ADAMTS19: variants seen among roughly 807,000 people sequenced by gnomAD.
The protein encoded by ADAMTS19 is A disintegrin and metalloproteinase with thrombospondin motifs 19.
In ADAMTS19, 93 loss-of-function variants were observed where a neutral mutation model predicts 153.3. The observed-to-expected ratio is 0.61, with a 90% CI of 0.51 to 0.72. The LOEUF (loss-of-function observed/expected upper bound fraction) is 0.72, where lower values mean the gene tolerates loss of function less well. Ranked by LOEUF, ADAMTS19 falls within the 30% of genes least tolerant of loss-of-function variation. The pLI is 0.00. For synonymous variants in ADAMTS19, 600 were observed against 556.6 expected (o/e 1.08, Z -1.10); for missense variants, 1,482 against 1,552.1 (o/e 0.95, Z 0.76).
chr5:129,481,772 T>A (rs1365984413), intron 2 of ADAMTS19, among the ~76,000 whole-genome samples: 5 of 152,066 alleles, frequency 3.3e-5, no homozygotes, highest in Non-Finnish European at 5.9e-5. Flanking sequence ...TCCCCAAAGG[T>A]GACTTCAGAT....
At chr5:129,585,001 G>A (rs1749708443) in intron 7 of ADAMTS19, among the ~76,000 whole-genome samples, 1 of 152,174 alleles carries the variant, frequency 6.6e-6, no homozygotes, top group Admixed American at 6.5e-5. Flanking sequence ...CCAGTTTTGT[G>A]CTTGAATCTC....
chr5:129,563,820 A>G (rs1753606807), intron 7 of ADAMTS19, among the ~76,000 whole-genome samples: 1 of 152,200 alleles, frequency 6.6e-6, no homozygotes, highest in African/African-American at 2.4e-5. Flanking sequence ...TCTGACCTCT[A>G]GCTATTCAAT....
intron 15 of ADAMTS19, among the ~76,000 whole-genome samples, chr5:129,659,764 T>G (rs140904229): frequency 6.6e-6 from 1 of 151,918 alleles, no homozygotes; most frequent in South Asian, 2.1e-4. Context: ...TTTAATTTTG[T>G]TTTTTGTAAA....
chr5:129,646,645 T>G (rs1753078097), intron 11 of ADAMTS19, among the ~76,000 whole-genome samples: 1 of 152,112 alleles, frequency 6.6e-6, no homozygotes, highest in African/African-American at 2.4e-5. Flanking sequence ...TTCATTCAAT[T>G]CCTAAAAAAA....
At chr5:129,685,420 A>G (rs1451212298) in intron 18 of ADAMTS19, among the ~76,000 whole-genome samples, 1 of 152,016 alleles carries the variant, frequency 6.6e-6, no homozygotes, top group East Asian at 1.9e-4. Flanking sequence ...TGGCAAGTGA[A>G]GAGTATTAGA....
At chr5:129,537,363 T>A (rs1459526537) in intron 6 of ADAMTS19, among the ~76,000 whole-genome samples, 1 of 152,194 alleles carries the variant, frequency 6.6e-6, no homozygotes, top group African/African-American at 2.4e-5. Context: ...TGGAAGTCGG[T>A]GTTGCGATTC....
chr5:129,560,252 A>T (rs1415470515), intron 7 of ADAMTS19, among the ~76,000 whole-genome samples: 1 of 152,234 alleles, frequency 6.6e-6, no homozygotes, highest in East Asian at 1.9e-4. Context: ...AACAAAACAA[A>T]AACAGAGTCT....
intron 16 of ADAMTS19, among the ~76,000 whole-genome samples, chr5:129,666,487 T>C (rs989008155): frequency 6.6e-5 from 10 of 152,176 alleles, no homozygotes; most frequent in Admixed American, 3.9e-4. Flanking sequence ...GAATCCTTTG[T>C]ATATAGAAAC....
At chr5:129,542,187 A>G (rs930346816) in intron 6 of ADAMTS19, among the ~76,000 whole-genome samples, 2 of 152,252 alleles carry the variant, frequency 1.3e-5, no homozygotes, top group East Asian at 3.9e-4. Context: ...AAAGATAGCA[A>G]AGAGGAAAGC....
At chr5:129,586,626 T>G (rs1749812761) in intron 7 of ADAMTS19, among the ~76,000 whole-genome samples, 1 of 152,248 alleles carries the variant, frequency 6.6e-6, no homozygotes, top group Non-Finnish European at 1.5e-5. Flanking sequence ...ATGTGCAGGA[T>G]TTTGTATGGA....
At chr5:129,619,725 A>C (rs9285915) in intron 8 of ADAMTS19, among the ~76,000 whole-genome samples, 13,092 of 152,028 alleles carry the variant, frequency 0.086, 635 homozygotes, top group African/African-American at 0.1. Flanking sequence ...ATATACTGTC[A>C]TAAGGATACG....
At chr5:129,615,697 A>G (rs1168401809) in intron 8 of ADAMTS19, among the ~76,000 whole-genome samples, 2 of 152,022 alleles carry the variant, frequency 1.3e-5, no homozygotes, top group Non-Finnish European at 2.9e-5. Flanking sequence ...CAGGAGGACA[A>G]TCAGGCAGAC....
intron 3 of ADAMTS19, among the ~76,000 whole-genome samples, chr5:129,524,180 G>A (rs549502392): frequency 4.6e-5 from 7 of 152,058 alleles, no homozygotes; most frequent in African/African-American, 1.2e-4. Flanking sequence ...TCTGATCTTC[G>A]ACAAACCTGA....
intron 2 of ADAMTS19, among the ~76,000 whole-genome samples, chr5:129,507,713 A>C (rs999204000): frequency 6.7e-6 from 1 of 149,892 alleles, no homozygotes; most frequent in Non-Finnish European, 1.5e-5. Context: ...CTAGAGCGAG[A>C]GAGAGAGAGA....
chr5:129,592,997 A>G (rs1057069948), intron 7 of ADAMTS19, among the ~76,000 whole-genome samples: 4 of 152,174 alleles, frequency 2.6e-5, no homozygotes, highest in African/African-American at 4.8e-5. Flanking sequence ...ATTATATTAT[A>G]AACTATTGGC....
intron 16 of ADAMTS19, among the ~76,000 whole-genome samples, chr5:129,673,552 T>A (rs1754407796): frequency 6.6e-6 from 1 of 152,176 alleles, no homozygotes; most frequent in Admixed American, 6.6e-5. Flanking sequence ...CTTTTATAAC[T>A]TATGGCATCT....
intron 6 of ADAMTS19, among the ~76,000 whole-genome samples, chr5:129,532,837 G>A (rs954216462): frequency 4.6e-5 from 7 of 152,086 alleles, no homozygotes; most frequent in South Asian, 2.1e-4. Flanking sequence ...GGTGGCTCAC[G>A]CCTGTAATCC....
Position 129,556,843 on chromosome 5 carries a change from G to A in ADAMTS19, c.1372+4936G>A, listed in dbSNP as rs777037617. Among the ~76,000 whole-genome samples, 5 of 152,246 alleles carry A rather than the reference G, an allele frequency of 3.3e-5. 1 individual carries two copies. The South Asian group carries it at 6.2e-4, about 19-fold the overall frequency. On this transcript the variant is annotated intron_variant, in intron 7 of 22. Transcript: ENST00000274487. The stretch of plus-strand genomic sequence containing the variant: ...AGGAAATAGAATCTTCCCTAGAGCC[G>A]ACATAAGTGAACACAAACAGCCTTT...
rs141264316 is a variant in ADAMTS19, at chr5:129,488,024, G to A, written c.748-21053G>A. ...AATTGCAAGATCAAAAGAAAGTAAC[G>A]TTGTAACTCTGTATTGTGTGTGTGG... On this transcript the variant is annotated intron_variant, in intron 2 of 22. Coordinates refer to ENST00000274487, the MANE Select transcript of ADAMTS19 (RefSeq NM_133638.6). 4.9e-3 allele frequency among the ~76,000 whole-genome samples: 737 copies of A among 151,946 alleles called. 4 individuals are homozygous for A. Among genetic ancestry groups the A allele is most frequent in the Non-Finnish European group, 6.8e-3 (463 of 67,866 alleles).
Sources: gnomAD v4.1 joint callset for allele counts (sites outside exome capture counted in the v4.1 genomes callset) on GRCh38, gnomAD v4.1.1 for gene constraint, MANE v1.5 for transcripts, NCBI Gene and HGNC (gene_info 2026-07-23, HGNC 2026-07-21) for gene names.